Variants in ACVR2A observed in about 807,000 individuals in gnomAD.
ACVR2A encodes the protein activin A receptor type 2A, also known as activin receptor type-2A.
Under a neutral mutation model 61.4 loss-of-function variants are expected in ACVR2A, and 7 were observed. The observed-to-expected ratio is 0.11, with a 90% CI of 0.06 to 0.21. The LOEUF (loss-of-function observed/expected upper bound fraction) is 0.21, where lower values mean the gene tolerates loss of function less well. Among genes scored for constraint, ACVR2A ranks in the 10% least tolerant of loss-of-function variants. ACVR2A has a pLI of 1.00. For synonymous variants in ACVR2A, 193 were observed against 208.3 expected (o/e 0.93, Z 0.63); for missense variants, 322 against 621.7 (o/e 0.52, Z 5.13).
chr2:147,896,082 G>A (rs759313685), intron 1 of ACVR2A, among the ~76,000 whole-genome samples: 3 of 152,122 alleles, frequency 2.0e-5, no homozygotes, highest in Non-Finnish European at 2.9e-5. Context: ...AACTAGTGGT[G>A]TTCAGAGAAA....
At chr2:147,892,512 A>AAT (rs1465112222) in intron 1 of ACVR2A, among the ~76,000 whole-genome samples, 1 of 88,242 alleles carries the variant, frequency 1.1e-5, no homozygotes, top group African/African-American at 4.0e-5. Context: ...TTAAAATAGT[A>AAT]ATATATATCA....
intron 1 of ACVR2A, among the ~76,000 whole-genome samples, chr2:147,868,625 A>AT (rs781103103): frequency 2.5e-4 from 37 of 148,218 alleles, no homozygotes; most frequent in Admixed American, 1.0e-3. Context: ...ATTTTATTTT[A>AT]TTTATTTATT....
intron 1 of ACVR2A, among the ~76,000 whole-genome samples, chr2:147,882,056 C>G (rs1179239058): frequency 1.3e-5 from 2 of 152,090 alleles, no homozygotes; most frequent in African/African-American, 4.8e-5. Context: ...CTCTTTGGGA[C>G]TCTAAAACTT....
intron 5 of ACVR2A, among the ~76,000 whole-genome samples, chr2:147,916,057 G>A (rs182927570): frequency 1.1e-4 from 16 of 151,962 alleles, no homozygotes; most frequent in Admixed American, 1.1e-3. Context: ...TACTTAGAGA[G>A]TGGATGTTTC....
intron 4 of ACVR2A, among the ~76,000 whole-genome samples, chr2:147,909,467 A>G (rs968993754): frequency 2.0e-5 from 3 of 152,118 alleles, no homozygotes; most frequent in African/African-American, 4.8e-5. Flanking sequence ...GGGAGAAGCA[A>G]CAAATCTTTT....
At chr2:147,895,136 T>C (rs1325942848) in intron 1 of ACVR2A, among the ~76,000 whole-genome samples, 1 of 152,134 alleles carries the variant, frequency 6.6e-6, no homozygotes, top group Non-Finnish European at 1.5e-5. Flanking sequence ...ACATCTATTA[T>C]AAAAAGTTAA....
Position 147,929,667 on chromosome 2 carries a change from AGT to A in ACVR2A, c.*2396_*2397del, listed in dbSNP as rs1687610297. ...TAAAACTTTCTTTTGCAGGGTATTT[AGT>A]GTTTGGTTTACAGTCAGTGCAGAGT... is the stretch of plus-strand genomic sequence containing the variant. On this transcript the variant is annotated 3_prime_UTR_variant, in exon 11 of 11. Transcript: ENST00000241416. The A allele has an allele frequency of 6.6e-6, 1 of 152,236 alleles. No individual in the cohort carries two copies. The highest frequency in any genetic ancestry group is 6.6e-5 in the Admixed American group (1 of 15,190). The allele number at this position is 152,236 out of a possible 1,614,324, so 9.4% of individuals were successfully genotyped here. A position where few individuals can be genotyped will look rare whatever the true frequency, so the allele number is the denominator to read the frequency against.
Position 147,920,212 on chromosome 2 carries a change from A to G in ACVR2A, c.963-18A>G. On this transcript the variant is annotated intron_variant, in intron 7 of 10. Transcript: ENST00000241416. ...TAACTAGTTTAAACTTAATTTGAAT[A>G]CTCTTTTTATTTGCAAGGGACATCA... The G allele has an allele frequency of 6.4e-7, 1 of 1,560,048 alleles. No individual in the cohort carries two copies. Among genetic ancestry groups the G allele is most frequent in the South Asian group, 1.1e-5 (1 of 88,830 alleles).
intron 4 of ACVR2A, among the ~76,000 whole-genome samples, chr2:147,906,674 G>T (rs1686994133): frequency 6.6e-6 from 1 of 152,020 alleles, no homozygotes; most frequent in African/African-American, 2.4e-5. Flanking sequence ...AATTATTGTT[G>T]ATATATGTTA....
intron 1 of ACVR2A, among the ~76,000 whole-genome samples, chr2:147,885,770 G>A (rs1338401269): frequency 6.6e-6 from 1 of 152,052 alleles, no homozygotes; most frequent in Non-Finnish European, 1.5e-5. Flanking sequence ...TTTGAATAAA[G>A]TTATTTTGTA....
intron 1 of ACVR2A, among the ~76,000 whole-genome samples, chr2:147,854,383 CTT>C (rs1356648347): frequency 2.0e-5 from 3 of 152,048 alleles, no homozygotes; most frequent in Non-Finnish European, 4.4e-5. Context: ...TGTTTTAAAA[CTT>C]TTTAGTAGAA....
chr2:147,911,183 A>G (rs1214241232), intron 4 of ACVR2A, among the ~76,000 whole-genome samples: 1 of 152,092 alleles, frequency 6.6e-6, no homozygotes, highest in Non-Finnish European at 1.5e-5. Context: ...TTGTTTTATA[A>G]TTTAGACTCT....
intron 1 of ACVR2A, among the ~76,000 whole-genome samples, chr2:147,846,331 G>C (rs923160985): frequency 1.3e-5 from 2 of 151,020 alleles, no homozygotes; most frequent in African/African-American, 4.9e-5. Context: ...TCTTTATCTC[G>C]TTTGCCACAG....
chr2:147,897,675 A>T (rs553275669), intron 2 of ACVR2A, among the ~76,000 whole-genome samples: 1 of 152,352 alleles, frequency 6.6e-6, no homozygotes, highest in South Asian at 2.1e-4. Context: ...GTATGTGACT[A>T]AGAGCAAAAT....
intron 1 of ACVR2A, among the ~76,000 whole-genome samples, chr2:147,863,573 T>G (rs750572390): frequency 6.6e-6 from 1 of 152,224 alleles, no homozygotes; most frequent in Non-Finnish European, 1.5e-5. Context: ...GTATGTTTTA[T>G]TGTATTCTTA....
chr2:147,922,917 A>T (rs1687418516), intron 8 of ACVR2A, 56 bp from the exon 9 acceptor site: 5 of 1,566,164 alleles, frequency 3.2e-6, no homozygotes, highest in Non-Finnish European at 4.3e-6. Context: ...ACAAAATCAT[A>T]TGTTAGTTCA....
chr2:147,920,472 A>C (rs113789278), intron 8 of ACVR2A, 128 bp downstream of exon 8: 1 of 704,632 alleles, frequency 1.4e-6, no homozygotes, highest in African/African-American at 1.8e-5. Context: ...AGAGTTATCA[A>C]AGTTTCTGAG....
At chr2:147,918,687 C>T in intron 7 of ACVR2A, 95 bp downstream of exon 7, 4 of 1,104,342 alleles carry the variant, frequency 3.6e-6, no homozygotes, top group Non-Finnish European at 5.0e-6. Flanking sequence ...CTTTGTTATG[C>T]AATCATGCTT....
chr2:147,864,966 A>G (rs960209719), intron 1 of ACVR2A, among the ~76,000 whole-genome samples: 1 of 152,202 alleles, frequency 6.6e-6, no homozygotes, highest in African/African-American at 2.4e-5. Context: ...ATATAAAAAC[A>G]TGAGATACAT....
Sources: allele counts gnomAD v4.1 joint callset (sites outside exome capture counted in the v4.1 genomes callset), GRCh38; gene constraint gnomAD v4.1.1; transcripts MANE v1.5; gene names NCBI Gene and HGNC (gene_info 2026-07-23, HGNC 2026-07-21).